Variants in NLGN1 observed in about 807,000 individuals in gnomAD.
NLGN1 encodes neuroligin 1, also known as neuroligin-1.
A neutral mutation model predicts 65.5 loss-of-function variants in NLGN1; 12 were observed. The ratio of observed to expected loss-of-function variants is 0.18; its 90% CI spans 0.12 to 0.30. The LOEUF (loss-of-function observed/expected upper bound fraction) is 0.30, where lower values mean the gene tolerates loss of function less well. Among genes scored for constraint, NLGN1 ranks in the 10% least tolerant of loss-of-function variants. NLGN1 has a pLI of 1.00. For missense variants in NLGN1, 750 were observed against 1,007.1 expected, an observed-to-expected ratio of 0.74 and a Z score of 3.46; for synonymous variants, 350 against 359.5, an observed-to-expected ratio of 0.97 and a Z score of 0.30.
chr3:174,230,547 A>T (rs1339068903), intron 4 of NLGN1, among the ~76,000 whole-genome samples: 1 of 152,214 alleles, frequency 6.6e-6, no homozygotes, highest in African/African-American at 2.4e-5. Context: ...TTAAAAAATG[A>T]GAATAGGAAA....
At chr3:173,503,756 T>C (rs1284528263) in intron 2 of NLGN1, among the ~76,000 whole-genome samples, 1 of 152,030 alleles carries the variant, frequency 6.6e-6, no homozygotes, top group Admixed American at 6.6e-5. Context: ...TTAATTATCC[T>C]GAAAGACTTA....
chr3:174,195,403 G>C (rs775345388), intron 4 of NLGN1, among the ~76,000 whole-genome samples: 1 of 152,142 alleles, frequency 6.6e-6, no homozygotes. Flanking sequence ...CATTTAAAAA[G>C]TCCAGTAAGT....
At chr3:174,127,790 T>C (rs1482228398) in intron 4 of NLGN1, among the ~76,000 whole-genome samples, 1 of 152,190 alleles carries the variant, frequency 6.6e-6, no homozygotes, top group African/African-American at 2.4e-5. Flanking sequence ...TTAAGGTCTC[T>C]TTCTAGAATT....
exon 7 of NLGN1, chr3:174,286,236 T>C (rs1436127789): frequency 6.6e-6 from 1 of 151,532 alleles, no homozygotes; most frequent in African/African-American, 2.4e-5. Flanking sequence ...AATGACATTG[T>C]ATAACTACCT....
intron 2 of NLGN1, among the ~76,000 whole-genome samples, chr3:173,469,637 A>G (rs1724987489): frequency 6.7e-6 from 1 of 149,026 alleles, no homozygotes; most frequent in African/African-American, 2.4e-5. Flanking sequence ...ACTTTTAAAA[A>G]CTAAAAAAAA....
intron 2 of NLGN1, among the ~76,000 whole-genome samples, chr3:173,532,764 G>A (rs968955829): frequency 1.3e-5 from 2 of 152,076 alleles, no homozygotes; most frequent in African/African-American, 2.4e-5. Flanking sequence ...GTTGGTATAG[G>A]TTATGCCACA....
At chr3:174,273,985 A>G (rs1450036134) in intron 4 of NLGN1, among the ~76,000 whole-genome samples, 4 of 151,768 alleles carry the variant, frequency 2.6e-5, no homozygotes, top group African/African-American at 4.8e-5. Flanking sequence ...GTCCTAGCTT[A>G]TTTTATAAAG....
chr3:173,490,209 G>A (rs1728881880), intron 2 of NLGN1, among the ~76,000 whole-genome samples: 1 of 152,124 alleles, frequency 6.6e-6, no homozygotes, highest in Admixed American at 6.6e-5. Context: ...TTTTCTTCTA[G>A]GGTTTTTATG....
At chr3:173,841,330 C>T (rs193175191) in intron 4 of NLGN1, among the ~76,000 whole-genome samples, 11 of 152,204 alleles carry the variant, frequency 7.2e-5, no homozygotes, top group Non-Finnish European at 1.3e-4. Flanking sequence ...ATTTATTTCT[C>T]TATTAGGCAT....
At chr3:173,557,790 A>ATTGTCTAT (rs1559965521) in intron 2 of NLGN1, among the ~76,000 whole-genome samples, 1 of 152,038 alleles carries the variant, frequency 6.6e-6, no homozygotes, top group Admixed American at 6.5e-5. Context: ...TAAATATTCA[A>ATTGTCTAT]TTGTCTATTA....
chr3:174,281,275 C>A (rs1294892130), exon 7 of NLGN1: 1 of 1,611,244 alleles, frequency 6.2e-7, no homozygotes, highest in Non-Finnish European at 8.5e-7. Flanking sequence ...CATCCCCACC[C>A]CCATTCACAT....
At chr3:173,693,347 A>G (rs1330165249) in intron 3 of NLGN1, among the ~76,000 whole-genome samples, 1 of 152,098 alleles carries the variant, frequency 6.6e-6, no homozygotes, top group Non-Finnish European at 1.5e-5. Flanking sequence ...TATTATTGCA[A>G]ATTCCTTCAT....
intron 4 of NLGN1, among the ~76,000 whole-genome samples, chr3:174,203,143 C>A (rs1734792307): frequency 6.6e-6 from 1 of 152,118 alleles, no homozygotes; most frequent in Non-Finnish European, 1.5e-5. Context: ...AGTTCTTCGC[C>A]ATTTCTACCC....
intron 2 of NLGN1, among the ~76,000 whole-genome samples, chr3:173,515,156 C>G (rs192582087): frequency 1.4e-4 from 21 of 152,260 alleles, no homozygotes; most frequent in African/African-American, 5.1e-4. Context: ...CACAACCTCA[C>G]CAACACTTAC....
intron 2 of NLGN1, among the ~76,000 whole-genome samples, chr3:173,444,204 G>C (rs1209664240): frequency 1.3e-5 from 2 of 152,130 alleles, no homozygotes; most frequent in African/African-American, 2.4e-5. Context: ...AAGTTTAATG[G>C]CTGCTCTTCT....
At chr3:173,436,958 G>T (rs1718249237) in intron 2 of NLGN1, among the ~76,000 whole-genome samples, 1 of 152,100 alleles carries the variant, frequency 6.6e-6, no homozygotes, top group Non-Finnish European at 1.5e-5. Flanking sequence ...TTCCCTTGGT[G>T]CTGCAATGTT....
chr3:173,994,491 A>AAAAAAAAGAG (rs10688223), intron 4 of NLGN1, among the ~76,000 whole-genome samples: 62 of 81,204 alleles, frequency 7.6e-4, no homozygotes, highest in East Asian at 1.3e-3. Flanking sequence ...AAAAAAAAAA[A>AAAAAAAAGAG]AGAGAGAGAG....
chr3:173,574,062 CA>C (rs1192427397), intron 2 of NLGN1, among the ~76,000 whole-genome samples: 2,459 of 51,906 alleles, frequency 0.047, 18 homozygotes, highest in East Asian at 0.17. Context: ...GACTCCACCT[CA>C]AAAAAAAAAA....
chr3:173,731,147 T>C (rs1333988235), intron 3 of NLGN1, among the ~76,000 whole-genome samples: 4 of 152,024 alleles, frequency 2.6e-5, no homozygotes, highest in Non-Finnish European at 5.9e-5. Context: ...TTTAGTACTA[T>C]TTTATGCATA....
Sources: gnomAD v4.1 joint callset for allele counts (sites outside exome capture counted in the v4.1 genomes callset) on GRCh38, gnomAD v4.1.1 for gene constraint, MANE v1.5 for transcripts, NCBI Gene and HGNC (gene_info 2026-07-23, HGNC 2026-07-21) for gene names.